NTF3: variants seen among roughly 807,000 people sequenced by gnomAD.
The protein encoded by NTF3 is neurotrophin 3, also known as neurotrophin-3.
NTF3 carries 8 observed loss-of-function variants against 26.3 expected under a neutral mutation model. That is an observed-to-expected ratio of 0.30 (90% CI 0.18 to 0.55). The LOEUF is 0.55. NTF3 is among the 20% of genes least tolerant of loss of function. NTF3 has a pLI of 0.93. For missense variants in NTF3, 276 were observed against 352.9 expected (o/e 0.78, Z 1.75); for synonymous variants, 154 against 145.5 (o/e 1.06, Z -0.42).
intron 1 of NTF3, among the ~76,000 whole-genome samples, chr12:5,466,526 C>T (rs1488191329): frequency 1.3e-5 from 2 of 152,166 alleles, no homozygotes; most frequent in African/African-American, 2.4e-5. Flanking sequence ...CTTTCCTAGC[C>T]ATCATTTCAT....
At chr12:5,444,312 A>G (rs965604713) in intron 1 of NTF3, among the ~76,000 whole-genome samples, 36 of 152,210 alleles carry the variant, frequency 2.4e-4, no homozygotes, top group African/African-American at 7.7e-4. Context: ...TTGTCCACAG[A>G]AAGAGAGCGT....
At chr12:5,465,395 G>T (rs1048850002) in intron 1 of NTF3, among the ~76,000 whole-genome samples, 1 of 152,228 alleles carries the variant, frequency 6.6e-6, no homozygotes, top group Non-Finnish European at 1.5e-5. Flanking sequence ...CCACGACAAC[G>T]TGTGTTTGTG....
At chr12:5,492,230 T>A (rs1940947321) in intron 1 of NTF3, among the ~76,000 whole-genome samples, 1 of 152,218 alleles carries the variant, frequency 6.6e-6, no homozygotes, top group Non-Finnish European at 1.5e-5. Context: ...CTCACTAATC[T>A]GTACCTTGAC....
At chr12:5,484,520 AT>A (rs1284273092) in intron 1 of NTF3, among the ~76,000 whole-genome samples, 2 of 152,004 alleles carry the variant, frequency 1.3e-5, no homozygotes, top group African/African-American at 4.8e-5. Context: ...TTTTTAAAAT[AT>A]TTTTTCTTTA....
intron 1 of NTF3, among the ~76,000 whole-genome samples, chr12:5,455,239 C>G (rs1591596222): frequency 6.6e-6 from 1 of 152,244 alleles, no homozygotes; most frequent in Non-Finnish European, 1.5e-5. Flanking sequence ...TCCTGTCTCT[C>G]TGCACACGCA....
chr12:5,494,167 C>T lies in NTF3; in HGVS notation c.19-27C>T. 1 of 1,602,696 alleles carries T rather than the reference C, an allele frequency of 6.2e-7. No individual in the cohort carries two copies. Among genetic ancestry groups the T allele is most frequent in the Non-Finnish European group, 8.5e-7 (1 of 1,176,016 alleles). The stretch of plus-strand genomic sequence containing the variant: ...ACACAGACTCAGCTGCCAGAGCCTG[C>T]TCTTAACACCTGTGTTTCCTTTTCA... On this transcript the variant is annotated intron_variant, in intron 1 of 1. Coordinates refer to ENST00000423158, the MANE Select transcript of NTF3 (RefSeq NM_001102654.2). The surrounding 1 kb of genome is among the most constrained non-coding windows in gnomAD (Gnocchi z 8.3).
intron 1 of NTF3, among the ~76,000 whole-genome samples, chr12:5,441,939 G>A (rs1425309258): frequency 6.6e-6 from 1 of 152,188 alleles, no homozygotes; most frequent in Non-Finnish European, 1.5e-5. Context: ...GGGGCTCTTG[G>A]TCACAGGGAA....
intron 1 of NTF3, among the ~76,000 whole-genome samples, chr12:5,451,313 T>C (rs540176727): frequency 6.6e-6 from 1 of 152,354 alleles, no homozygotes; most frequent in South Asian, 2.1e-4. Flanking sequence ...ACAAAGCATT[T>C]GCTTCCTTAA....
chr12:5,489,237 G>A (rs1940904831), intron 1 of NTF3, among the ~76,000 whole-genome samples: 2 of 152,232 alleles, frequency 1.3e-5, no homozygotes, highest in Admixed American at 1.3e-4. Context: ...ACACAGGATT[G>A]ATGGCCTCAA....
intron 1 of NTF3, among the ~76,000 whole-genome samples, chr12:5,443,252 G>A (rs1450125242): frequency 2.6e-5 from 4 of 152,170 alleles, no homozygotes; most frequent in Admixed American, 2.0e-4. Context: ...TGGTCTTCTT[G>A]TCATGTAAGG....
In NTF3 at chr12:5,494,846, A is replaced by T; in HGVS notation, c.671A>T (p.Lys224Ile). The change falls in exon 2 of 2, where the codon AAA (lysine) becomes ATA (isoleucine). Residue 224 changes from lysine to isoleucine, a missense_variant. Lys to Ile is a moderately radical substitution (Grantham distance 102). This residue lies in a region of NTF3 where 52 missense variants were observed against 78.4 expected (regional missense o/e 0.66). Transcript: ENST00000423158. This position sits in a 1 kb window ranked among gnomAD's most constrained non-coding sequence, Gnocchi z 8.3. ...VKNGCRGIDD[K>I]HWNSQCKTSQ... ...AACGGTTGCAGGGGTATTGATGATA[A>T]ACACTGGAACTCTCAGTGCAAAACA... 6.2e-7 allele frequency: 1 copy of T among 1,614,094 alleles called. No individual in the cohort carries two copies. The highest frequency in any genetic ancestry group is 8.5e-7 in the Non-Finnish European group (1 of 1,180,026).
At chr12:5,491,224 CAAACCTCTGTG>C (rs1940932106) in intron 1 of NTF3, among the ~76,000 whole-genome samples, 3 of 152,170 alleles carry the variant, frequency 2.0e-5, no homozygotes, top group Admixed American at 6.6e-5. Flanking sequence ...TTTCCAGCTG[CAAACCTCTGTG>C]TTTTGGGGAG....
At chr12:5,430,860 A>C (rs909607626), upstream of NTF3, among the ~76,000 whole-genome samples, 2 of 151,880 alleles carry the variant, frequency 1.3e-5, no homozygotes, top group African/African-American at 4.8e-5. Context: ...GGAGCGGCTG[A>C]AGTGGCAGGG....
At chr12:5,436,741 T>C (rs1011910812) in intron 1 of NTF3, among the ~76,000 whole-genome samples, 3 of 152,220 alleles carry the variant, frequency 2.0e-5, no homozygotes, top group Admixed American at 1.3e-4. Flanking sequence ...TGCTCACTCA[T>C]TGTGTAAATA....
At chr12:5,490,570 C>T (rs1159654107) in intron 1 of NTF3, among the ~76,000 whole-genome samples, 1 of 152,022 alleles carries the variant, frequency 6.6e-6, no homozygotes. Flanking sequence ...GGGAACTGGC[C>T]CACTGGGGGA....
At chr12:5,479,981 A>T (rs1940767607) in intron 1 of NTF3, among the ~76,000 whole-genome samples, 1 of 152,090 alleles carries the variant, frequency 6.6e-6, no homozygotes, top group Non-Finnish European at 1.5e-5. Context: ...CATCCCTGGG[A>T]GTCTGAGGCC....
intron 1 of NTF3, among the ~76,000 whole-genome samples, chr12:5,450,070 A>G (rs1940354101): frequency 6.6e-6 from 1 of 152,138 alleles, no homozygotes; most frequent in African/African-American, 2.4e-5. Context: ...TTTGTCCCCA[A>G]AGCCTCGGTG....
chr12:5,451,893 A>G (rs542690493), intron 1 of NTF3, among the ~76,000 whole-genome samples: 3 of 152,014 alleles, frequency 2.0e-5, no homozygotes, highest in Admixed American at 6.6e-5. Flanking sequence ...GGCTCTCACT[A>G]TGTTACTCAG....
At chr12:5,470,644 C>T (rs1346315929) in intron 1 of NTF3, among the ~76,000 whole-genome samples, 4 of 152,178 alleles carry the variant, frequency 2.6e-5, no homozygotes, top group African/African-American at 7.2e-5. Context: ...CCTGGGTGAG[C>T]GTGCCCCCTG....
Sources: allele counts gnomAD v4.1 joint callset (sites outside exome capture counted in the v4.1 genomes callset), GRCh38; gene constraint gnomAD v4.1.1; regional missense constraint gnomAD v4.1.1; non-coding constraint Gnocchi (gnomAD v3.1); transcripts MANE v1.5; gene names NCBI Gene and HGNC (gene_info 2026-07-23, HGNC 2026-07-21).